The following SH3TC1 variants were observed in gnomAD, a reference collection of about 807,000 sequenced individuals.
SH3TC1 encodes SH3 domain and tetratricopeptide repeat-containing protein 1.
In SH3TC1, 135 loss-of-function variants were observed where a neutral mutation model predicts 117.3. The observed-to-expected ratio is 1.15, with a 90% CI of 1.00 to 1.33. The LOEUF is 1.33. Among genes scored for constraint, SH3TC1 ranks in the 40% most tolerant of loss-of-function variants. The probability of loss-of-function intolerance (pLI) is 0.00; values close to 1 mark genes in which losing one functional copy is unlikely to be tolerated. For synonymous variants in SH3TC1, 898 were observed against 816.9 expected (o/e 1.10, Z -1.69); for missense variants, 2,092 against 1,794.3 (o/e 1.17, Z -3.00).
rs1435543883 is a variant in SH3TC1, at chr4:8,209,862, T to C, written c.247+40T>C. 2.5e-6 allele frequency: 4 copies of C among 1,597,790 alleles called. No homozygotes were observed. Among genetic ancestry groups the C allele is most frequent in the Non-Finnish European group, 3.4e-6 (4 of 1,170,844 alleles). Reference sequence around the variant, plus strand: ...CCCTACACAGGGCTTCAGGTTCAAATCCGGGCTGTGCCGCTCCCTGGGCAT... The same window carrying C: ...CCCTACACAGGGCTTCAGGTTCAAACCCGGGCTGTGCCGCTCCCTGGGCAT... On this transcript the variant is annotated intron_variant, in intron 3 of 17. Coordinates refer to ENST00000245105, the MANE Select transcript of SH3TC1 (RefSeq NM_018986.5). The surrounding 1 kb of genome is among the most constrained non-coding windows in gnomAD (Gnocchi z 5.9).
At chr4:8,214,180 G>A (rs1032623977) in intron 4 of SH3TC1, among the ~76,000 whole-genome samples, 1 of 152,152 alleles carries the variant, frequency 6.6e-6, no homozygotes, top group Non-Finnish European at 1.5e-5. Flanking sequence ...ACTGGTGTGT[G>A]GGGGATAAGG....
At position 8,225,026 on chromosome 4, in the gene SH3TC1, C is replaced by T. The variant is rs1578712133; in HGVS notation, c.1244-149C>T. On this transcript the variant is annotated intron_variant, in intron 10 of 17. Transcript: ENST00000245105. The surrounding 1 kb of genome is among the most constrained non-coding windows in gnomAD (Gnocchi z 5.5). Reference sequence around the variant, plus strand: ...CACCTGCACCCTGCAACACTCCAGCCCGCAACACCAGCACCCTGCAACATC... The same window carrying T: ...CACCTGCACCCTGCAACACTCCAGCTCGCAACACCAGCACCCTGCAACATC... 24 of 950,928 alleles carry T rather than the reference C, an allele frequency of 2.5e-5. No homozygotes were observed. The East Asian group carries it at 5.8e-4, about 23-fold the overall frequency. The allele number at this position is 950,928 out of a possible 1,614,324, so 58.9% of individuals were successfully genotyped here. A position where few individuals can be genotyped will look rare whatever the true frequency, so the allele number is the denominator to read the frequency against.
chr4:8,200,684 A>G (rs748101983), intron 1 of SH3TC1, among the ~76,000 whole-genome samples: 39 of 152,280 alleles, frequency 2.6e-4, no homozygotes, highest in Non-Finnish European at 4.7e-4. Flanking sequence ...AGCGCAGGAC[A>G]CAGCCCTCTC....
rs542632113 is a variant in SH3TC1 at position 8,186,943 on chromosome 4, CA to C, written c.-57+4751del. 0.16 allele frequency among the ~76,000 whole-genome samples: 13,962 copies of C among 88,168 alleles called. 732 individuals are homozygous for C. The highest frequency in any genetic ancestry group is 0.19 in the Non-Finnish European group (7,992 of 42,560). The allele number at this position is 88,168 out of a possible 152,430, so 57.8% of individuals were successfully genotyped here. ...TGGGTGACAGGGCAAGACTACGTCT[CA>C]AAAAAAAAAAAAAAAAAGGACATGC... On this transcript the variant is annotated intron_variant, in intron 1 of 16. Transcript: ENST00000508641. The surrounding 1 kb of genome is among the most constrained non-coding windows in gnomAD (Gnocchi z 5.2).
intron 12 of SH3TC1, among the ~76,000 whole-genome samples, chr4:8,230,365 G>T (rs1296854811): frequency 6.6e-6 from 1 of 152,060 alleles, no homozygotes; most frequent in Non-Finnish European, 1.5e-5. Context: ...TTGAATGCTG[G>T]CCTCAAGCGA....
chr4:8,217,267 GGCC>G, intron 7 of SH3TC1, 100 bp downstream of exon 7: 1 of 1,438,682 alleles, frequency 7.0e-7, no homozygotes, highest in East Asian at 2.5e-5. Context: ...GAATGGTGGG[GGCC>G]CCGGACAGAC....
Position 8,233,426 on chromosome 4 carries a change from G to A in SH3TC1, c.3195G>A (p.Lys1065=). ...TGGGGATTTTCATTGACCTCCAGAA[G>A]AAAGAGAAGGAGGCGCATGCCTGGC... ...RSLGIFIDLQ[K]KEKEAHAWLQ... The change falls in exon 14 of 18, where the codon AAG becomes AAA. Residue 1065 remains lysine, a synonymous_variant. Coordinates refer to ENST00000245105, the MANE Select transcript of SH3TC1 (RefSeq NM_018986.5). The A allele has an allele frequency of 6.2e-7, 1 of 1,613,986 alleles. No homozygotes were observed. Among genetic ancestry groups the A allele is most frequent in the South Asian group, 1.1e-5 (1 of 91,056 alleles).
At chr4:8,218,428 C>T in intron 8 of SH3TC1, 81 bp downstream of exon 8, 1 of 1,020,136 alleles carries the variant, frequency 9.8e-7, no homozygotes, top group Non-Finnish European at 1.5e-6. Context: ...AGTTGCCCTA[C>T]ATCCTCCCTG....
At chr4:8,193,352 T>C (rs887682607) in intron 1 of SH3TC1, among the ~76,000 whole-genome samples, 4 of 152,218 alleles carry the variant, frequency 2.6e-5, no homozygotes, top group Admixed American at 1.3e-4. Flanking sequence ...GCAAGCATGC[T>C]GGCCTCTCCT....
intron 1 of SH3TC1, among the ~76,000 whole-genome samples, chr4:8,185,795 GAC>G (rs1485435485): frequency 6.6e-6 from 1 of 152,200 alleles, no homozygotes; most frequent in African/African-American, 2.4e-5. Flanking sequence ...TTCAGAAGTC[GAC>G]AGTCATCTGC....
chr4:8,229,485 G>T (rs1468836136), intron 12 of SH3TC1, among the ~76,000 whole-genome samples: 1 of 119,358 alleles, frequency 8.4e-6, no homozygotes, highest in Non-Finnish European at 1.8e-5. Flanking sequence ...GGGGTGAGCA[G>T]GGGGTGAGTG....
Position 8,209,848 on chromosome 4 carries a change from G to T in SH3TC1, c.247+26G>T. ...GTAAACATCCTGGGCCCTACACAGG[G>T]CTTCAGGTTCAAATCCGGGCTGTGC... On this transcript the variant is annotated intron_variant, in intron 3 of 17. Transcript: ENST00000245105. This position sits in a 1 kb window ranked among gnomAD's most constrained non-coding sequence, Gnocchi z 5.9. The T allele has an allele frequency of 6.2e-7, 1 of 1,607,984 alleles. No homozygotes were observed. Among genetic ancestry groups the T allele is most frequent in the South Asian group, 1.1e-5 (1 of 89,946 alleles).
At chr4:8,185,516 C>T (rs1474850596) in intron 1 of SH3TC1, among the ~76,000 whole-genome samples, 1 of 152,106 alleles carries the variant, frequency 6.6e-6, no homozygotes, top group Admixed American at 6.5e-5. Flanking sequence ...CATCCTCCTG[C>T]GGTTTCTTTT....
chr4:8,203,231 C>A (rs987574767), intron 1 of SH3TC1, among the ~76,000 whole-genome samples: 8 of 152,120 alleles, frequency 5.3e-5, no homozygotes, highest in African/African-American at 1.9e-4. Flanking sequence ...GCAGGGATGG[C>A]AGCTTCAGTG....
intron 1 of SH3TC1, among the ~76,000 whole-genome samples, chr4:8,193,071 A>G (rs1014677557): frequency 4.6e-5 from 7 of 152,206 alleles, no homozygotes; most frequent in South Asian, 2.1e-4. Context: ...ACTTACTGCT[A>G]TCTGTCTGCT....
chr4:8,205,113 C>T lies in SH3TC1; in HGVS notation c.-28-54C>T. On this transcript the variant is annotated intron_variant, in intron 1 of 17. Transcript: ENST00000245105. This position sits in a 1 kb window ranked among gnomAD's most constrained non-coding sequence, Gnocchi z 5.4. Reference sequence around the variant, plus strand: ...TGGACCCCAGGCCTGGACACAACCTCCGTGCTGGTTCTGGAGGGGCCACCT... The same window carrying T: ...TGGACCCCAGGCCTGGACACAACCTTCGTGCTGGTTCTGGAGGGGCCACCT... 7.2e-7 allele frequency: 1 copy of T among 1,397,380 alleles called. No individual in the cohort carries two copies. Among genetic ancestry groups the T allele is most frequent in the Non-Finnish European group, 9.5e-7 (1 of 1,056,746 alleles). The allele number at this position is 1,397,380 out of a possible 1,614,324, so 86.6% of individuals were successfully genotyped here.
upstream of SH3TC1, among the ~76,000 whole-genome samples, chr4:8,196,655 G>A (rs1346418999): frequency 6.6e-6 from 1 of 152,190 alleles, no homozygotes; most frequent in African/African-American, 2.4e-5. This position sits in a 1 kb window ranked among gnomAD's most constrained non-coding sequence, Gnocchi z 4.6. Flanking sequence ...AGGGGAGGCA[G>A]AGGGAGCTGG....
At chr4:8,236,588 C>T in intron 16 of SH3TC1, 160 bp downstream of exon 16, 2 of 960,862 alleles carry the variant, frequency 2.1e-6, no homozygotes, top group Non-Finnish European at 2.9e-6. Flanking sequence ...CCGTGGGGCA[C>T]AGCCCGAGGT....
chr4:8,208,298 T>C (rs1273162534), intron 2 of SH3TC1, among the ~76,000 whole-genome samples: 4 of 152,214 alleles, frequency 2.6e-5, no homozygotes, highest in Non-Finnish European at 4.4e-5. Flanking sequence ...CGGTTACCGC[T>C]GTCAGGTGCA....
Sources: gnomAD v4.1 joint callset for allele counts (sites outside exome capture counted in the v4.1 genomes callset) on GRCh38, gnomAD v4.1.1 for gene constraint, Gnocchi (gnomAD v3.1) non-coding constraint, MANE v1.5 for transcripts, NCBI Gene and HGNC (gene_info 2026-07-23, HGNC 2026-07-21) for gene names.